The following IPO5 variants were observed in gnomAD, a reference collection of about 807,000 sequenced individuals.
The protein encoded by IPO5 is importin-5.
IPO5 carries 18 observed loss-of-function variants against 143.3 expected under a neutral mutation model. That is an observed-to-expected ratio of 0.13 (90% confidence interval 0.09 to 0.19). The LOEUF (loss-of-function observed/expected upper bound fraction) is 0.19. Among genes scored for constraint, IPO5 ranks in the 10% least tolerant of loss-of-function variants. The pLI is 1.00. For missense variants in IPO5, 1,013 were observed against 1,336.9 expected, an observed-to-expected ratio of 0.76 and a Z score of 3.78; for synonymous variants, 477 against 465.7, an observed-to-expected ratio of 1.02 and a Z score of -0.31.
intron 3 of IPO5, among the ~76,000 whole-genome samples, chr13:97,970,383 G>A (rs1249540185): frequency 7.2e-5 from 11 of 152,134 alleles, no homozygotes; most frequent in African/African-American, 2.7e-4. Flanking sequence ...CACTTTGGGA[G>A]GCCGAGGCGG....
At chr13:98,013,308 A>G (rs1175812783) in intron 21 of IPO5, among the ~76,000 whole-genome samples, 1 of 152,062 alleles carries the variant, frequency 6.6e-6, no homozygotes, top group African/African-American at 2.4e-5. Flanking sequence ...CGAACTCCTG[A>G]CCTCAGGTGA....
intron 22 of IPO5, 127 bp from the exon 23 acceptor site, chr13:98,015,403 C>CAT: frequency 1.6e-6 from 1 of 628,712 alleles, no homozygotes. Context: ...ACAAGCTAAG[C>CAT]ATATGTAAAT....
At chr13:97,961,036 A>T (rs1378273498) in intron 2 of IPO5, among the ~76,000 whole-genome samples, 12 of 152,118 alleles carry the variant, frequency 7.9e-5, no homozygotes, top group Admixed American at 6.6e-5. Context: ...CTGTCTATGG[A>T]TGTGCTGATT....
chr13:97,976,490 C>G (rs971954970), intron 3 of IPO5: 1 of 153,156 alleles, frequency 6.5e-6, no homozygotes, highest in South Asian at 2.1e-4. Context: ...CCGGCGCCGG[C>G]GGCCGCGGCG....
chr13:97,986,172 T>C (rs1426700764), intron 6 of IPO5, among the ~76,000 whole-genome samples: 1 of 152,114 alleles, frequency 6.6e-6, no homozygotes, highest in Non-Finnish European at 1.5e-5. Flanking sequence ...GCTTGAAAAT[T>C]GGCAGTTACA....
chr13:97,989,010 A>G (rs1432504162), intron 6 of IPO5, 52 bp from the exon 7 acceptor site: 1 of 944,558 alleles, frequency 1.1e-6, no homozygotes, highest in East Asian at 2.4e-5. Context: ...TACTCCTAGT[A>G]TATTGAAGTT....
At chr13:98,012,408 TAGAC>T (rs1423621550) in intron 21 of IPO5, 66 bp downstream of exon 21, 7 of 969,904 alleles carry the variant, frequency 7.2e-6, no homozygotes. Context: ...CTTGGAGTAT[TAGAC>T]AGTGTTGACT....
intron 4 of IPO5, chr13:97,981,098 A>G (rs1173176492): frequency 3.0e-6 from 1 of 329,600 alleles, no homozygotes; most frequent in Admixed American, 4.5e-5. Flanking sequence ...ATAAATTCAA[A>G]CCATCTTCTC....
intron 6 of IPO5, among the ~76,000 whole-genome samples, chr13:97,985,827 A>G (rs1336282980): frequency 6.6e-6 from 1 of 152,194 alleles, no homozygotes; most frequent in African/African-American, 2.4e-5. Flanking sequence ...TTGGTATTCA[A>G]AATACCCATG....
chr13:98,014,007 A>C, intron 21 of IPO5, 35 bp from the exon 22 acceptor site: 1 of 1,580,008 alleles, frequency 6.3e-7, no homozygotes, highest in African/African-American at 1.4e-5. Flanking sequence ...AAGCAAAATA[A>C]TAAACAGTCT....
At chr13:97,987,962 T>A (rs1594072544) in intron 6 of IPO5, 4 of 276,130 alleles carry the variant, frequency 1.4e-5, no homozygotes, top group African/African-American at 2.2e-5. Flanking sequence ...TTTTTTTTTT[T>A]AAGCTGCTAT....
At chr13:97,976,630 C>A in intron 3 of IPO5, 63 bp from the exon 4 acceptor site, 1 of 736,918 alleles carries the variant, frequency 1.4e-6, no homozygotes. Flanking sequence ...CCCGCCCCTC[C>A]CGCGGCCCGC....
At chr13:97,997,892 C>G (rs1397935243) in intron 12 of IPO5, among the ~76,000 whole-genome samples, 1 of 152,064 alleles carries the variant, frequency 6.6e-6, no homozygotes, top group African/African-American at 2.4e-5. Flanking sequence ...TAATCAGGAA[C>G]TGAAAGATAC....
intron 11 of IPO5, among the ~76,000 whole-genome samples, chr13:97,996,878 C>T (rs1167241560): frequency 6.6e-6 from 1 of 152,144 alleles, no homozygotes; most frequent in Non-Finnish European, 1.5e-5. Context: ...AGGCATAAGC[C>T]ACCGCGCCTA....
chr13:98,018,790 T>C, intron 26 of IPO5, 86 bp downstream of exon 26: 1 of 938,180 alleles, frequency 1.1e-6, no homozygotes, highest in Non-Finnish European at 1.6e-6. Flanking sequence ...CTCCCAAACA[T>C]TATTTGCCTA....
At chr13:98,009,248 T>G (rs910385318) in intron 18 of IPO5, among the ~76,000 whole-genome samples, 2 of 152,184 alleles carry the variant, frequency 1.3e-5, no homozygotes, top group Non-Finnish European at 2.9e-5. Flanking sequence ...AATAGGTAGG[T>G]GGATGACAGA....
At chr13:98,012,001 T>C (rs1889758214) in intron 20 of IPO5, among the ~76,000 whole-genome samples, 1 of 152,120 alleles carries the variant, frequency 6.6e-6, no homozygotes, top group Admixed American at 6.5e-5. Flanking sequence ...GAAGGGACAA[T>C]ATATACGACA....
At chr13:97,992,479 G>A (rs552907085) in intron 9 of IPO5, among the ~76,000 whole-genome samples, 214 of 152,310 alleles carry the variant, frequency 1.4e-3, no homozygotes, top group Non-Finnish European at 2.4e-3. Flanking sequence ...AGGAGTCTGA[G>A]GCACAAGAGT....
In IPO5 at chr13:97,993,218, A is replaced by G; in HGVS notation, c.906A>G (p.Ala302=). The stretch of plus-strand genomic sequence containing the variant: ...TAAGAAAACATACCAATATTGTTGC[A>G]CAGACTAGTAAGTCAATGGTCTTCA... The part of the protein sequence containing the change: ...AMLRKHTNIV[A]QTIPQMLAMM... Residue 302 remains alanine, a synonymous_variant, in exon 11 of 29, where the codon GCA becomes GCG. Coordinates refer to ENST00000651721, the MANE Select transcript of IPO5 (RefSeq NM_002271.6). The G allele has an allele frequency of 1.5e-5, 24 of 1,613,824 alleles. No individual in the cohort carries two copies. Among genetic ancestry groups the G allele is most frequent in the Non-Finnish European group, 2.0e-5 (24 of 1,179,914 alleles).
Sources: allele counts gnomAD v4.1 joint callset (sites outside exome capture counted in the v4.1 genomes callset), GRCh38; gene constraint gnomAD v4.1.1; transcripts MANE v1.5; gene names NCBI Gene and HGNC (gene_info 2026-07-23, HGNC 2026-07-21).